CADM2: variants seen among roughly 807,000 people sequenced by gnomAD.
CADM2 encodes the protein cell adhesion molecule 2, also known as immunoglobulin superfamily member 4D.
CADM2 carries 12 observed loss-of-function variants against 49.8 expected under a neutral mutation model. The observed-to-expected ratio is 0.24, with a 90% confidence interval of 0.15 to 0.39. The LOEUF is 0.39. Among genes scored for constraint, CADM2 ranks in the 10% least tolerant of loss-of-function variants. The pLI, the probability that CADM2 is intolerant of heterozygous loss-of-function variation, is 1.00. For missense variants in CADM2, 378 were observed against 492.3 expected, an observed-to-expected ratio of 0.77 and a Z score of 2.20; for synonymous variants, 214 against 175.4, an observed-to-expected ratio of 1.22 and a Z score of -1.74.
intron 1 of CADM2, among the ~76,000 whole-genome samples, chr3:85,460,964 A>G (rs1165195333): frequency 1.3e-5 from 2 of 152,146 alleles, no homozygotes; most frequent in South Asian, 2.1e-4. Context: ...CTGGGAAGGA[A>G]CGAAGAGGGA....
At chr3:85,192,081 C>T (rs891252165) in intron 1 of CADM2, among the ~76,000 whole-genome samples, 6 of 151,128 alleles carry the variant, frequency 4.0e-5, no homozygotes, top group Non-Finnish European at 7.4e-5. Context: ...TTATTGACAA[C>T]TTATAATAAA....
intron 1 of CADM2, among the ~76,000 whole-genome samples, chr3:85,059,821 T>C (rs2036237431): frequency 6.6e-6 from 1 of 152,220 alleles, no homozygotes. Flanking sequence ...ACCTTTCTTT[T>C]GTAAATTGCC....
chr3:85,164,963 CAT>C (rs1384428250), intron 1 of CADM2, among the ~76,000 whole-genome samples: 2 of 151,124 alleles, frequency 1.3e-5, no homozygotes, highest in African/African-American at 2.4e-5. Flanking sequence ...TATGTGTGTA[CAT>C]ATGTGTGTGT....
intron 8 of CADM2, among the ~76,000 whole-genome samples, chr3:86,060,503 C>G (rs779735818): frequency 8.6e-5 from 13 of 151,872 alleles, no homozygotes; most frequent in African/African-American, 1.7e-4. Context: ...TCAAGTCATC[C>G]CAACAGTAAG....
chr3:85,138,816 G>A (rs184730259), intron 1 of CADM2, among the ~76,000 whole-genome samples: 1 of 152,222 alleles, frequency 6.6e-6, no homozygotes, highest in African/African-American at 2.4e-5. Context: ...TGCCCAACAC[G>A]TTCACATTTC....
At chr3:84,988,082 C>G (rs1668421184) in intron 1 of CADM2, among the ~76,000 whole-genome samples, 1 of 152,178 alleles carries the variant, frequency 6.6e-6, no homozygotes, top group Non-Finnish European at 1.5e-5. Flanking sequence ...TAGTAGCACT[C>G]TCACTCCCCA....
At chr3:85,275,380 C>T (rs2043332681) in intron 1 of CADM2, among the ~76,000 whole-genome samples, 2 of 151,322 alleles carry the variant, frequency 1.3e-5, no homozygotes, top group South Asian at 2.1e-4. Flanking sequence ...CTGGGCATCC[C>T]GCTGTTTATG....
chr3:85,642,994 G>A (rs1465693374), intron 1 of CADM2, among the ~76,000 whole-genome samples: 1 of 151,920 alleles, frequency 6.6e-6, no homozygotes, highest in Non-Finnish European at 1.5e-5. Context: ...TCATACCTTG[G>A]CAAATTTTGC....
rs147359604 is a variant in CADM2 at position 85,654,760 on chromosome 3, G to C, written c.62-71762G>C. 1.9e-3 allele frequency among the ~76,000 whole-genome samples: 282 copies of C among 152,240 alleles called. 2 individuals carry two copies. Among genetic ancestry groups the C allele is most frequent in the African/African-American group, 6.6e-3 (274 of 41,534 alleles). On this transcript the variant is annotated intron_variant, in intron 1 of 9. Coordinates refer to ENST00000383699, the MANE Select transcript of CADM2 (RefSeq NM_001167675.2). Reference sequence around the variant, plus strand: ...CGTGAAATACCACATGCTGCCTTTAGGGTTGGTGAATTTTTTATGTGCATA... The same window carrying C: ...CGTGAAATACCACATGCTGCCTTTACGGTTGGTGAATTTTTTATGTGCATA...
At chr3:85,006,048 G>A (rs1559612979) in intron 1 of CADM2, among the ~76,000 whole-genome samples, 1 of 152,154 alleles carries the variant, frequency 6.6e-6, no homozygotes, top group Non-Finnish European at 1.5e-5. Context: ...GACAGTCACA[G>A]GGAAAGAGAT....
intron 1 of CADM2, among the ~76,000 whole-genome samples, chr3:85,561,941 A>T (rs1455833191): frequency 6.6e-6 from 1 of 152,162 alleles, no homozygotes; most frequent in Non-Finnish European, 1.5e-5. Context: ...AAAGAATAAA[A>T]CTATTTGGTA....
intron 2 of CADM2, among the ~76,000 whole-genome samples, chr3:85,801,799 T>A (rs1577342933): frequency 6.6e-6 from 1 of 152,210 alleles, no homozygotes; most frequent in Non-Finnish European, 1.5e-5. Context: ...TAAATCTTTA[T>A]GTATGCCTAG....
At chr3:86,030,703 G>T (rs1734455704) in intron 8 of CADM2, among the ~76,000 whole-genome samples, 1 of 151,824 alleles carries the variant, frequency 6.6e-6, no homozygotes, top group Admixed American at 6.6e-5. Flanking sequence ...CGCTATAAGG[G>T]TTGAGACCAT....
At chr3:85,440,157 A>G (rs780216412) in intron 1 of CADM2, among the ~76,000 whole-genome samples, 5 of 152,202 alleles carry the variant, frequency 3.3e-5, no homozygotes, top group Non-Finnish European at 4.4e-5. Context: ...AAAAAATAGC[A>G]GAAGTGCATA....
At chr3:85,767,784 G>T (rs1282020779) in intron 2 of CADM2, among the ~76,000 whole-genome samples, 1 of 152,094 alleles carries the variant, frequency 6.6e-6, no homozygotes, top group Admixed American at 6.6e-5. Flanking sequence ...ACAATATGAT[G>T]CACATACCTC....
chr3:86,012,642 C>G, intron 8 of CADM2: 1 of 1,523,902 alleles, frequency 6.6e-7, no homozygotes, highest in Non-Finnish European at 9.0e-7. Context: ...CCGCGGGACC[C>G]GGCCAGATGC....
chr3:84,965,923 G>A (rs540535849), intron 1 of CADM2, among the ~76,000 whole-genome samples: 44 of 152,220 alleles, frequency 2.9e-4, no homozygotes, highest in Non-Finnish European at 4.9e-4. Flanking sequence ...TATCACATAG[G>A]CAAAGTCATC....
intron 1 of CADM2, among the ~76,000 whole-genome samples, chr3:85,324,218 T>C (rs2044689130): frequency 6.6e-6 from 1 of 152,342 alleles, no homozygotes; most frequent in Middle Eastern, 3.4e-3. Flanking sequence ...TGTTTCTATA[T>C]TCTTTCTCTC....
At chr3:85,428,682 T>C (rs2036532630) in intron 1 of CADM2, among the ~76,000 whole-genome samples, 1 of 134,574 alleles carries the variant, frequency 7.4e-6, no homozygotes, top group Non-Finnish European at 1.7e-5. Flanking sequence ...TAATATATCA[T>C]ATATATATAT....
Sources: gnomAD v4.1 joint callset for allele counts (sites outside exome capture counted in the v4.1 genomes callset) on GRCh38, gnomAD v4.1.1 for gene constraint, MANE v1.5 for transcripts, NCBI Gene and HGNC (gene_info 2026-07-23, HGNC 2026-07-21) for gene names.